Variants in CUBN observed in about 807,000 individuals in gnomAD.
The protein encoded by CUBN is 460 kDa receptor.
CUBN carries 282 observed loss-of-function variants against 405.3 expected under a neutral mutation model. The ratio of observed to expected loss-of-function variants is 0.70; its 90% confidence interval spans 0.63 to 0.77. The LOEUF (loss-of-function observed/expected upper bound fraction) is 0.77, where lower values mean the gene tolerates loss of function less well. CUBN is among the 30% of genes least tolerant of loss of function. The probability of loss-of-function intolerance (pLI) is 0.00; values close to 1 mark genes in which losing one functional copy is unlikely to be tolerated. For missense variants in CUBN, 4,514 were observed against 4,475.2 expected, an observed-to-expected ratio of 1.01 and a Z score of -0.25; for synonymous variants, 1,684 against 1,617.0, an observed-to-expected ratio of 1.04 and a Z score of -0.99.
At chr10:16,915,760 G>A (rs1841864772) in intron 46 of CUBN, 61 bp downstream of exon 46, 2 of 1,410,898 alleles carry the variant, frequency 1.4e-6, no homozygotes, top group Non-Finnish European at 2.0e-6. Flanking sequence ...AGAAACTTCA[G>A]AGGCTGAATA....
chr10:17,023,705 C>A, intron 27 of CUBN: 1 of 440,344 alleles, frequency 2.3e-6, no homozygotes, highest in South Asian at 1.6e-5. Context: ...TCAGAGTGAA[C>A]AATACTTGAA....
chr10:16,880,715 T>C (rs78428570), intron 56 of CUBN, among the ~76,000 whole-genome samples: 1 of 152,220 alleles, frequency 6.6e-6, no homozygotes, highest in Non-Finnish European at 1.5e-5. Flanking sequence ...TCTTAAATCA[T>C]TTTAAGAATA....
At chr10:16,826,526 T>C (rs1838789239) in intron 66 of CUBN, among the ~76,000 whole-genome samples, 2 of 152,236 alleles carry the variant, frequency 1.3e-5, no homozygotes, top group South Asian at 4.1e-4. Context: ...TTACATTTTT[T>C]CATTTATGTT....
chr10:16,981,457 G>T (rs938477426), intron 31 of CUBN, among the ~76,000 whole-genome samples: 3 of 152,126 alleles, frequency 2.0e-5, no homozygotes, highest in African/African-American at 7.2e-5. Flanking sequence ...AGAGGTCAGG[G>T]TGTAAAAGGC....
Position 17,074,945 on chromosome 10 carries a change from C to T in CUBN, c.2302-2974G>A, listed in dbSNP as rs542509588. ...AGAGAACCACTGGGTTAACCAAAGACTCTGAACTCACCCAGGGGATTATGG... is the reference window on the plus strand; with the variant it reads ...AGAGAACCACTGGGTTAACCAAAGATTCTGAACTCACCCAGGGGATTATGG... On this transcript the variant is annotated intron_variant, in intron 17 of 66. Transcript: ENST00000377833. 1.9e-4 allele frequency among the ~76,000 whole-genome samples: 29 copies of T among 152,080 alleles called. 1 individual carries two copies. The South Asian group carries it at 5.8e-3, about 30-fold the overall frequency.
chr10:17,082,581 A>G (rs1022793402), intron 17 of CUBN, among the ~76,000 whole-genome samples: 1 of 152,196 alleles, frequency 6.6e-6, no homozygotes, highest in Non-Finnish European at 1.5e-5. Flanking sequence ...CCTGAAAATT[A>G]TAGTTACATT....
chr10:17,092,474 G>A (rs1438588762), intron 14 of CUBN, among the ~76,000 whole-genome samples: 1 of 152,164 alleles, frequency 6.6e-6, no homozygotes. Context: ...CACGGGATGA[G>A]ATAGGAGGTC....
chr10:17,107,083 G>T (rs1836652042), intron 10 of CUBN, among the ~76,000 whole-genome samples: 2 of 152,186 alleles, frequency 1.3e-5, no homozygotes, highest in Non-Finnish European at 2.9e-5. Context: ...AAATGATCGT[G>T]TCTATTTAAA....
intron 31 of CUBN, among the ~76,000 whole-genome samples, chr10:16,971,791 A>T (rs1832943169): frequency 6.6e-6 from 1 of 151,854 alleles, no homozygotes; most frequent in Admixed American, 6.6e-5. Flanking sequence ...TCTTCACACA[A>T]CTTATATTTC....
At position 17,043,922 on chromosome 10, in the gene CUBN, G is replaced by A; in HGVS notation, c.3734C>T (p.Pro1245Leu). 1.2e-6 allele frequency: 2 copies of A among 1,613,484 alleles called. No homozygotes were observed. Among genetic ancestry groups the A allele is most frequent in the South Asian group, 1.1e-5 (1 of 91,072 alleles). ...GTCTCCACTAGAACGAATAAGAGGG[G>A]GTTTCTCATCCCCACAAAGCTGAGT... is the stretch of plus-strand genomic sequence containing the variant. ...LLTQLCGDEK[P>L]PLIRSSGDSM... Residue 1245 changes from proline (P) to leucine (L), a missense_variant, in exon 26 of 67, where the codon CCC becomes CTC. Physicochemically the swap from Pro to Leu is moderately conservative, Grantham distance 98 (BLOSUM62 -3). This residue lies in a region of CUBN where 242 missense variants were observed against 309.0 expected (regional missense o/e 0.78). Coordinates refer to ENST00000377833, the MANE Select transcript of CUBN (RefSeq NM_001081.4).
At chr10:16,831,856 G>A (rs1435430619) in intron 64 of CUBN, among the ~76,000 whole-genome samples, 1 of 152,134 alleles carries the variant, frequency 6.6e-6, no homozygotes, top group Non-Finnish European at 1.5e-5. Flanking sequence ...GTGTATGTGT[G>A]TGTGTGCACG....
intron 48 of CUBN, 23 bp from the exon 49 acceptor site, chr10:16,907,702 T>C: frequency 6.2e-7 from 1 of 1,610,568 alleles, no homozygotes; most frequent in Non-Finnish European, 8.5e-7. Flanking sequence ...GAGTTTAACC[T>C]TCAGGCACAC....
intron 15 of CUBN, 101 bp downstream of exon 15, chr10:17,088,063 C>G (rs1348124352): frequency 1.2e-6 from 1 of 841,090 alleles, no homozygotes; most frequent in African/African-American, 1.7e-5. Context: ...ACACACCTAA[C>G]TACAGCTAAT....
At chr10:17,056,639 G>A (rs967947293) in intron 22 of CUBN, among the ~76,000 whole-genome samples, 1 of 151,990 alleles carries the variant, frequency 6.6e-6, no homozygotes, top group Non-Finnish European at 1.5e-5. Flanking sequence ...AAGGATGCAC[G>A]TGGGAGATCC....
In CUBN at chr10:17,076,805, G is replaced by T. The variant is rs531298951; in HGVS notation, c.2302-4834C>A. Among the ~76,000 whole-genome samples the T allele has an allele frequency of 3.3e-5, 5 of 152,242 alleles. No homozygotes were observed. The South Asian group carries it at 1.0e-3, about 32-fold the overall frequency. On this transcript the variant is annotated intron_variant, in intron 17 of 66. Coordinates refer to ENST00000377833, the MANE Select transcript of CUBN (RefSeq NM_001081.4). Reference sequence around the variant, plus strand: ...AGCTCTAGAGCCTGGGTCTCAGGACGGTGAAGGCACAGGAAACTGACATAG... The same window carrying T: ...AGCTCTAGAGCCTGGGTCTCAGGACTGTGAAGGCACAGGAAACTGACATAG...
At position 17,031,406 on chromosome 10, in the gene CUBN, CTT is replaced by C. The variant is rs200507719; in HGVS notation, c.4017+9625_4017+9626del. ...CTTTACATATATGGATTCATTGACT[CTT>C]ATTACTCCGTTTTACAGAAAGGGAA... On this transcript the variant is annotated intron_variant, in intron 27 of 66. Coordinates refer to ENST00000377833, the MANE Select transcript of CUBN (RefSeq NM_001081.4). 9.2e-3 allele frequency among the ~76,000 whole-genome samples: 1,399 copies of C among 152,230 alleles called. 22 individuals are homozygous for C. Among genetic ancestry groups the C allele is most frequent in the African/African-American group, 0.032 (1,332 of 41,520 alleles).
chr10:16,888,760 C>T (rs1194467086), intron 55 of CUBN, among the ~76,000 whole-genome samples, 194 bp from the exon 56 acceptor site: 1 of 152,018 alleles, frequency 6.6e-6, no homozygotes, highest in Admixed American at 6.6e-5. Context: ...GAATATTATA[C>T]ATTTTTAGAA....
chr10:16,864,393 C>CG (rs1013874984), intron 59 of CUBN, among the ~76,000 whole-genome samples: 51 of 152,086 alleles, frequency 3.4e-4, no homozygotes, highest in Middle Eastern at 3.4e-3. Flanking sequence ...TAGGGTTGGG[C>CG]GGGGGGCTTG....
intron 58 of CUBN, 86 bp downstream of exon 58, chr10:16,874,288 T>G: frequency 1.5e-6 from 2 of 1,363,272 alleles, no homozygotes; most frequent in Non-Finnish European, 2.1e-6. Flanking sequence ...CCGATGAGAA[T>G]CAGTGCCCTC....
Sources: allele counts gnomAD v4.1 joint callset (sites outside exome capture counted in the v4.1 genomes callset), GRCh38; gene constraint gnomAD v4.1.1; regional missense constraint gnomAD v4.1.1; transcripts MANE v1.5; gene names NCBI Gene and HGNC (gene_info 2026-07-23, HGNC 2026-07-21).